EYS: variants seen among roughly 807,000 people sequenced by gnomAD.
EYS encodes the protein protein eyes shut homolog.
Under a neutral mutation model 282.1 loss-of-function variants are expected in EYS, and 250 were observed. The ratio of observed to expected loss-of-function variants is 0.89; its 90% CI spans 0.80 to 0.98. The LOEUF (loss-of-function observed/expected upper bound fraction) is 0.98. EYS is among the 50% of genes least tolerant of loss of function. EYS has a pLI of 0.00. For missense variants in EYS, 4,016 were observed against 3,709.0 expected, an observed-to-expected ratio of 1.08 and a Z score of -2.15; for synonymous variants, 1,355 against 1,282.9, an observed-to-expected ratio of 1.06 and a Z score of -1.20.
chr6:63,770,233 A>G (rs530364026), intron 40 of EYS, among the ~76,000 whole-genome samples: 1 of 152,222 alleles, frequency 6.6e-6, no homozygotes, highest in African/African-American at 2.4e-5. Flanking sequence ...TGCAGATGAG[A>G]AGCTAATACA....
At chr6:65,300,617 T>C (rs932565980) in intron 11 of EYS, among the ~76,000 whole-genome samples, 1 of 152,166 alleles carries the variant, frequency 6.6e-6, no homozygotes, top group African/African-American at 2.4e-5. Context: ...CCACTTATAT[T>C]GAAAAATAAA....
intron 26 of EYS, among the ~76,000 whole-genome samples, chr6:64,440,083 C>T (rs991913308): frequency 2.0e-5 from 3 of 151,440 alleles, no homozygotes; most frequent in Non-Finnish European, 3.0e-5. Context: ...CTTCCAGTTC[C>T]TTTCTTCTTT....
intron 22 of EYS, among the ~76,000 whole-genome samples, chr6:64,754,284 T>C (rs1462056774): frequency 6.6e-6 from 1 of 151,988 alleles, no homozygotes; most frequent in Admixed American, 6.6e-5. Flanking sequence ...CTTCCCAATA[T>C]TGAACCAGGA....
intron 2 of EYS, among the ~76,000 whole-genome samples, chr6:65,620,059 C>T (rs1766409666): frequency 1.3e-5 from 2 of 152,158 alleles, no homozygotes; most frequent in African/African-American, 4.8e-5. Flanking sequence ...CAGGATGATG[C>T]TGGCCTCATA....
chr6:63,978,365 C>G (rs1766940337), intron 35 of EYS, among the ~76,000 whole-genome samples: 1 of 151,920 alleles, frequency 6.6e-6, no homozygotes, highest in South Asian at 2.1e-4. Flanking sequence ...AATAATCTAA[C>G]TAAATATAAA....
At chr6:64,165,283 A>G (rs1291689007) in intron 31 of EYS, among the ~76,000 whole-genome samples, 3 of 152,122 alleles carry the variant, frequency 2.0e-5, no homozygotes, top group Admixed American at 1.3e-4. Flanking sequence ...GTCATGGCTG[A>G]TACAGTAATT....
At chr6:65,225,020 GAT>G (rs777313273) in intron 12 of EYS, among the ~76,000 whole-genome samples, 2 of 151,938 alleles carry the variant, frequency 1.3e-5, no homozygotes, top group Non-Finnish European at 2.9e-5. Flanking sequence ...GAAATTTTCA[GAT>G]AATATCAATT....
chr6:64,528,444 T>C (rs543434000), intron 26 of EYS, among the ~76,000 whole-genome samples: 4 of 152,062 alleles, frequency 2.6e-5, no homozygotes, highest in Non-Finnish European at 5.9e-5. Context: ...TTAGAGCCAG[T>C]AGCCTAGTAG....
chr6:64,143,356 TAAAAAAAA>T (rs60699526), intron 31 of EYS, among the ~76,000 whole-genome samples: 31 of 89,818 alleles, frequency 3.5e-4, no homozygotes, highest in African/African-American at 1.1e-3. Context: ...TCATTTATTG[TAAAAAAAA>T]AAAAAAAAAA....
intron 12 of EYS, among the ~76,000 whole-genome samples, chr6:65,186,986 C>T (rs1349643793): frequency 6.6e-6 from 1 of 151,782 alleles, no homozygotes; most frequent in Non-Finnish European, 1.5e-5. Flanking sequence ...ACAGCGTTCA[C>T]TATTATTGCC....
chr6:65,261,778 A>T (rs1314728414), intron 12 of EYS, among the ~76,000 whole-genome samples: 1 of 152,010 alleles, frequency 6.6e-6, no homozygotes, highest in Non-Finnish European at 1.5e-5. Flanking sequence ...TTTTTTCTTT[A>T]ATCCTTTCAA....
At chr6:65,272,306 G>T (rs1767927252) in intron 12 of EYS, among the ~76,000 whole-genome samples, 2 of 152,090 alleles carry the variant, frequency 1.3e-5, no homozygotes, top group South Asian at 4.1e-4. Context: ...GTGTCATTAT[G>T]AGAGGAGAGT....
intron 22 of EYS, among the ~76,000 whole-genome samples, chr6:64,745,313 G>T (rs879291480): frequency 1.3e-5 from 2 of 152,048 alleles, no homozygotes; most frequent in Non-Finnish European, 2.9e-5. Flanking sequence ...ATACAAAATG[G>T]CAGTCATTTA....
chr6:64,056,418 G>T (rs1770986898), intron 33 of EYS, among the ~76,000 whole-genome samples: 1 of 152,100 alleles, frequency 6.6e-6, no homozygotes, highest in Admixed American at 6.6e-5. Flanking sequence ...ATCAATCCAA[G>T]ACTTTACTTT....
chr6:63,843,327 T>C (rs1340226643), intron 36 of EYS, among the ~76,000 whole-genome samples: 1 of 152,330 alleles, frequency 6.6e-6, no homozygotes, highest in South Asian at 2.1e-4. Flanking sequence ...TTCTCATCCC[T>C]TGTAAGTTCT....
intron 33 of EYS, among the ~76,000 whole-genome samples, chr6:64,031,171 C>T (rs536491375): frequency 2.3e-3 from 351 of 152,098 alleles, no homozygotes; most frequent in African/African-American, 7.8e-3. Context: ...GAAGTGTGGG[C>T]GGGAACCGGG....
intron 22 of EYS, among the ~76,000 whole-genome samples, chr6:64,718,225 T>A (rs1452355653): frequency 6.6e-6 from 1 of 152,102 alleles, no homozygotes; most frequent in East Asian, 1.9e-4. Context: ...TAGGTAGGAA[T>A]CCACAACAGT....
At chr6:65,402,786 C>T (rs112646763) in intron 6 of EYS, among the ~76,000 whole-genome samples, 181 bp from the exon 7 acceptor site, 2 of 152,092 alleles carry the variant, frequency 1.3e-5, no homozygotes, top group Non-Finnish European at 2.9e-5. Flanking sequence ...ATCTCACACA[C>T]TCTTCCTGCT....
intron 24 of EYS, among the ~76,000 whole-genome samples, chr6:64,609,292 T>C (rs1313115647): frequency 6.6e-6 from 1 of 152,120 alleles, no homozygotes; most frequent in Non-Finnish European, 1.5e-5. Flanking sequence ...AAGAGGGACA[T>C]ATGCTAAAAC....
Sources: gnomAD v4.1 joint callset for allele counts (sites outside exome capture counted in the v4.1 genomes callset) on GRCh38, gnomAD v4.1.1 for gene constraint, MANE v1.5 for transcripts, NCBI Gene and HGNC (gene_info 2026-07-23, HGNC 2026-07-21) for gene names.